The following CAB39 variants were observed in gnomAD, a reference collection of about 807,000 sequenced individuals.
CAB39 encodes the protein calcium binding protein 39, also known as calcium-binding protein 39.
In CAB39, 8 loss-of-function variants were observed where a neutral mutation model predicts 40.0. The observed-to-expected ratio is 0.20, with a 90% CI of 0.12 to 0.36. The LOEUF (loss-of-function observed/expected upper bound fraction) is 0.36, where lower values mean the gene tolerates loss of function less well. Ranked by LOEUF, CAB39 falls within the 10% of genes least tolerant of loss-of-function variation. CAB39 has a pLI of 1.00. For missense variants in CAB39, 270 were observed against 401.1 expected, an observed-to-expected ratio of 0.67 and a Z score of 2.79; for synonymous variants, 156 against 141.6, an observed-to-expected ratio of 1.10 and a Z score of -0.72.
At chr2:230,794,273 T>G (rs941987515) in intron 4 of CAB39, among the ~76,000 whole-genome samples, 12 of 152,132 alleles carry the variant, frequency 7.9e-5, no homozygotes, top group African/African-American at 2.7e-4. Flanking sequence ...GCGTTCTGTT[T>G]CCCTCTTTCT....
intron 4 of CAB39, among the ~76,000 whole-genome samples, chr2:230,795,014 C>T (rs950706931): frequency 1.3e-5 from 2 of 152,176 alleles, no homozygotes; most frequent in Non-Finnish European, 2.9e-5. Flanking sequence ...TGGTGGCTCA[C>T]GCCTGTAATA....
At position 230,761,888 on chromosome 2, in the gene CAB39, T is replaced by TTTTTTG. The variant is rs149808907; in HGVS notation, c.114+1775_114+1776insTTTGTT. On this transcript the variant is annotated intron_variant, in intron 2 of 8. Transcript: ENST00000258418. ...GGTACTGTTTTTTGTTTGTTTTTTATTTGTTGTTGTTGTTGTTGTTGTTGT... is the reference window on the plus strand; with the variant it reads ...GGTACTGTTTTTTGTTTGTTTTTTATTTTTTGTTGTTGTTGTTGTTGTTGTTGTTGT... 8.3e-3 allele frequency among the ~76,000 whole-genome samples: 1,247 copies of TTTTTTG among 149,934 alleles called. 17 individuals are homozygous for TTTTTTG. The highest frequency in any genetic ancestry group is 0.029 in the African/African-American group (1,160 of 40,626).
At position 230,760,068 on chromosome 2, in the gene CAB39, A is replaced by T. The variant is rs764095669; in HGVS notation, c.67A>T (p.Met23Leu). The change falls in exon 2 of 9, where the codon ATG (methionine) becomes TTG (leucine). Residue 23 changes from methionine to leucine, a missense_variant. Coordinates refer to ENST00000258418, the MANE Select transcript of CAB39 (RefSeq NM_016289.4). ...ADIVKNLKES[M>L]AVLEKQDISD... is the part of the protein sequence containing the mutation. ...CATTGTGAAGAATCTGAAGGAGAGC[A>T]TGGCTGTTCTGGAAAAGCAAGACAT... The T allele has an allele frequency of 1.2e-6, 2 of 1,613,886 alleles. No homozygotes were observed. The highest frequency in any genetic ancestry group is 8.5e-7 in the Non-Finnish European group (1 of 1,179,724).
chr2:230,817,111 A>G (rs1453827064), intron 7 of CAB39, among the ~76,000 whole-genome samples: 1 of 152,246 alleles, frequency 6.6e-6, no homozygotes, highest in Non-Finnish European at 1.5e-5. Context: ...CCCTTGAAGT[A>G]AACAGATGTT....
chr2:230,788,672 G>T (rs1318797881), intron 2 of CAB39, among the ~76,000 whole-genome samples: 1 of 152,102 alleles, frequency 6.6e-6, no homozygotes, highest in Admixed American at 6.6e-5. Flanking sequence ...TTTTGCTGTG[G>T]TGTAAAATTT....
intron 2 of CAB39, among the ~76,000 whole-genome samples, chr2:230,789,391 C>G (rs1056432571): frequency 6.6e-6 from 1 of 152,088 alleles, no homozygotes; most frequent in Non-Finnish European, 1.5e-5. Flanking sequence ...TTGATTAGTT[C>G]TTCTTCTTAT....
chr2:230,729,512 G>A (rs1694648531), intron 1 of CAB39, among the ~76,000 whole-genome samples: 1 of 152,078 alleles, frequency 6.6e-6, no homozygotes, highest in East Asian at 1.9e-4. Context: ...AGCACTTTGG[G>A]AGGCTGAGGT....
intron 2 of CAB39, among the ~76,000 whole-genome samples, chr2:230,769,864 G>A (rs145751959): frequency 1.7e-3 from 251 of 151,788 alleles, no homozygotes; most frequent in African/African-American, 5.6e-3. Context: ...AGGCTGAGGT[G>A]GGAGGATCGC....
chr2:230,811,567 T>A (rs1696306713), intron 6 of CAB39, among the ~76,000 whole-genome samples: 1 of 152,226 alleles, frequency 6.6e-6, no homozygotes, highest in Non-Finnish European at 1.5e-5. Context: ...GGATTCTGGC[T>A]GCAAGTCTCA....
chr2:230,796,494 A>C (rs549674538), intron 4 of CAB39, among the ~76,000 whole-genome samples: 1 of 152,156 alleles, frequency 6.6e-6, no homozygotes, highest in African/African-American at 2.4e-5. Flanking sequence ...AACCTGTTCA[A>C]CTTGTACCAA....
At chr2:230,727,401 T>TA (rs1491396666) in intron 1 of CAB39, among the ~76,000 whole-genome samples, 3 of 144,180 alleles carry the variant, frequency 2.1e-5, no homozygotes, top group Admixed American at 1.4e-4. Flanking sequence ...TGTGTGTGTA[T>TA]TTTTTTTTCT....
In CAB39 at chr2:230,818,923, A is replaced by G; in HGVS notation, c.*219A>G. The G allele has an allele frequency of 2.2e-6, 1 of 459,750 alleles. No individual in the cohort carries two copies. The highest frequency in any genetic ancestry group is 4.0e-6 in the Non-Finnish European group (1 of 251,974). 28.5% of individuals were successfully genotyped at this position (459,750 alleles called of 1,614,324 possible). On this transcript the variant is annotated 3_prime_UTR_variant, in exon 9 of 9. Transcript: ENST00000258418. ...TGGGCTTTCTCTTGATCTTTGTGTC[A>G]TTTCAGAATTCAAAGACTGTGCTAC...
intron 1 of CAB39, among the ~76,000 whole-genome samples, chr2:230,742,666 C>T (rs1419595075): frequency 6.6e-6 from 1 of 151,176 alleles, no homozygotes; most frequent in Non-Finnish European, 1.5e-5. Flanking sequence ...GGCTAATGGG[C>T]AATAGAGATG....
At chr2:230,765,859 C>T (rs922395177) in intron 2 of CAB39, among the ~76,000 whole-genome samples, 1 of 152,082 alleles carries the variant, frequency 6.6e-6, no homozygotes, top group Non-Finnish European at 1.5e-5. Flanking sequence ...AGAACTCCTG[C>T]CCTAAACCAG....
chr2:230,728,676 C>T (rs1015250210), intron 1 of CAB39, among the ~76,000 whole-genome samples: 5 of 152,198 alleles, frequency 3.3e-5, no homozygotes, highest in Non-Finnish European at 5.9e-5. Context: ...GTGGCGCAAT[C>T]ATAGTTTACT....
chr2:230,744,280 C>G (rs1275961004), intron 1 of CAB39, among the ~76,000 whole-genome samples: 15 of 151,792 alleles, frequency 9.9e-5, no homozygotes, highest in Admixed American at 9.2e-4. Flanking sequence ...TAAAACACTT[C>G]CAGCCATATA....
At chr2:230,765,346 G>A (rs149581643) in intron 2 of CAB39, among the ~76,000 whole-genome samples, 2 of 152,162 alleles carry the variant, frequency 1.3e-5, no homozygotes, top group Non-Finnish European at 2.9e-5. Context: ...CTTGGTTCAT[G>A]ATGGTGTCAG....
intron 6 of CAB39, among the ~76,000 whole-genome samples, chr2:230,812,927 C>T (rs978545588): frequency 6.6e-6 from 1 of 152,190 alleles, no homozygotes; most frequent in Non-Finnish European, 1.5e-5. Flanking sequence ...AAACTTTTCA[C>T]AAACAGGCAG....
chr2:230,755,779 C>A (rs146457321), intron 1 of CAB39, among the ~76,000 whole-genome samples: 83 of 152,254 alleles, frequency 5.5e-4, no homozygotes, highest in African/African-American at 1.9e-3. Context: ...CCTTAAATTC[C>A]TCCAAATATG....
Sources: gnomAD v4.1 joint callset for allele counts (sites outside exome capture counted in the v4.1 genomes callset) on GRCh38, gnomAD v4.1.1 for gene constraint, MANE v1.5 for transcripts, NCBI Gene and HGNC (gene_info 2026-07-23, HGNC 2026-07-21) for gene names.